STXBP5L: variants seen among roughly 807,000 people sequenced by gnomAD.
STXBP5L encodes the protein syntaxin binding protein 5L.
A neutral mutation model predicts 144.5 loss-of-function variants in STXBP5L; 65 were observed. The observed-to-expected ratio is 0.45, with a 90% CI of 0.37 to 0.55. STXBP5L has a LOEUF of 0.55. STXBP5L is among the 20% of genes least tolerant of loss of function. The pLI is 0.00. For synonymous variants in STXBP5L, 505 were observed against 469.6 expected (o/e 1.08, Z -0.97); for missense variants, 1,298 against 1,405.5 (o/e 0.92, Z 1.22).
rs1947218672 is a variant in STXBP5L at position 121,042,345 on chromosome 3, T to C, written c.369+564T>C. Among the ~76,000 whole-genome samples the C allele has an allele frequency of 1.3e-5, 2 of 152,190 alleles. 1 individual carries two copies. Among genetic ancestry groups the C allele is most frequent in the South Asian group, 4.1e-4 (2 of 4,834 alleles). On this transcript the variant is annotated intron_variant, in intron 4 of 26. Coordinates refer to ENST00000471454, the MANE Select transcript of STXBP5L (RefSeq NM_001308330.2). Reference sequence around the variant, plus strand: ...TGAGGAACTCTCTAAAAACAAAATATGTATTTATGAAGCTCAGAGAGGTTG... The same window carrying C: ...TGAGGAACTCTCTAAAAACAAAATACGTATTTATGAAGCTCAGAGAGGTTG...
At chr3:121,315,621 CTT>C (rs1283273832) in intron 19 of STXBP5L, among the ~76,000 whole-genome samples, 6 of 151,362 alleles carry the variant, frequency 4.0e-5, no homozygotes, top group Non-Finnish European at 1.5e-5. Flanking sequence ...TACCCTAAAA[CTT>C]AAAGTATAAT....
At chr3:120,974,176 T>C (rs1444824788) in intron 3 of STXBP5L, among the ~76,000 whole-genome samples, 6 of 152,284 alleles carry the variant, frequency 3.9e-5, no homozygotes, top group Non-Finnish European at 7.4e-5. Flanking sequence ...AAAGTGTTCC[T>C]ATTTCTCCAC....
intron 3 of STXBP5L, among the ~76,000 whole-genome samples, chr3:120,976,951 A>T (rs1262078899): frequency 2.0e-5 from 3 of 151,634 alleles, no homozygotes; most frequent in Non-Finnish European, 2.9e-5. Flanking sequence ...TGCTGAGGAG[A>T]GCTTTACTTC....
At chr3:121,138,306 T>A (rs749797501) in intron 7 of STXBP5L, among the ~76,000 whole-genome samples, 15 of 152,086 alleles carry the variant, frequency 9.9e-5, no homozygotes, top group Non-Finnish European at 2.1e-4. Flanking sequence ...ATTAGGAGAA[T>A]TAATATAGTT....
intron 18 of STXBP5L, 44 bp downstream of exon 18, chr3:121,259,212 A>G (rs750664472): frequency 1.4e-6 from 2 of 1,385,228 alleles, no homozygotes; most frequent in Non-Finnish European, 1.9e-6. Flanking sequence ...TTTAGCTAAT[A>G]TGTTTGATTT....
intron 3 of STXBP5L, among the ~76,000 whole-genome samples, chr3:120,995,199 A>G (rs1273998602): frequency 6.6e-6 from 1 of 152,104 alleles, no homozygotes; most frequent in African/African-American, 2.4e-5. Flanking sequence ...CCAGGCTGGA[A>G]TGCAATGGCA....
chr3:121,008,218 G>A (rs907302414), intron 3 of STXBP5L, among the ~76,000 whole-genome samples: 1 of 151,928 alleles, frequency 6.6e-6, no homozygotes, highest in African/African-American at 2.4e-5. Flanking sequence ...ACCACTTTTA[G>A]TAGCAACAAC....
chr3:121,177,912 G>A (rs982440244), intron 9 of STXBP5L, among the ~76,000 whole-genome samples: 5 of 152,126 alleles, frequency 3.3e-5, no homozygotes, highest in African/African-American at 1.2e-4. Context: ...AACAAAATGT[G>A]GTATATACAT....
chr3:121,393,887 C>T (rs1489875923), intron 22 of STXBP5L, among the ~76,000 whole-genome samples: 1 of 152,014 alleles, frequency 6.6e-6, no homozygotes, highest in Non-Finnish European at 1.5e-5. Flanking sequence ...ATTCTTTTTG[C>T]TTAGGATTTC....
At chr3:121,276,030 A>G (rs2050870707) in intron 18 of STXBP5L, among the ~76,000 whole-genome samples, 2 of 151,762 alleles carry the variant, frequency 1.3e-5, no homozygotes, top group Non-Finnish European at 2.9e-5. Context: ...GCTTAAGCCA[A>G]ACATTTTCTA....
At chr3:121,378,219 T>C (rs2046239336) in intron 20 of STXBP5L, among the ~76,000 whole-genome samples, 1 of 151,342 alleles carries the variant, frequency 6.6e-6, no homozygotes, top group Admixed American at 6.6e-5. Context: ...ACCTAATGCA[T>C]GTGGGGGTTA....
chr3:121,006,831 A>T (rs1296581039), intron 3 of STXBP5L, among the ~76,000 whole-genome samples: 1 of 152,112 alleles, frequency 6.6e-6, no homozygotes, highest in African/African-American at 2.4e-5. Flanking sequence ...CTGTATATGA[A>T]ATTCTGGGTT....
chr3:120,973,915 C>A (rs1430841357), intron 3 of STXBP5L, among the ~76,000 whole-genome samples: 1 of 152,116 alleles, frequency 6.6e-6, no homozygotes, highest in African/African-American at 2.4e-5. Context: ...TGTATATATG[C>A]CACATTTTCT....
At chr3:120,961,642 A>G (rs1246242823) in intron 3 of STXBP5L, among the ~76,000 whole-genome samples, 1 of 152,150 alleles carries the variant, frequency 6.6e-6, no homozygotes, top group African/African-American at 2.4e-5. Flanking sequence ...CATGGTGTAT[A>G]TGTGCCATAT....
intron 9 of STXBP5L, among the ~76,000 whole-genome samples, chr3:121,169,767 G>C (rs1407871043): frequency 6.6e-6 from 1 of 152,144 alleles, no homozygotes; most frequent in Non-Finnish European, 1.5e-5. Flanking sequence ...ACACTCTACT[G>C]TCTATGTTAG....
At chr3:121,068,104 G>T (rs976772793) in intron 5 of STXBP5L, among the ~76,000 whole-genome samples, 1 of 152,204 alleles carries the variant, frequency 6.6e-6, no homozygotes, top group African/African-American at 2.4e-5. Flanking sequence ...CCACGCCCTG[G>T]GTTCAAGTGA....
intron 7 of STXBP5L, among the ~76,000 whole-genome samples, chr3:121,126,658 G>T (rs543525285): frequency 5.3e-5 from 8 of 152,046 alleles, no homozygotes; most frequent in Non-Finnish European, 8.8e-5. Flanking sequence ...TTCCTTTGAG[G>T]GCACTTGTGT....
At chr3:121,096,653 G>T (rs559997049) in intron 5 of STXBP5L, among the ~76,000 whole-genome samples, 1 of 152,144 alleles carries the variant, frequency 6.6e-6, no homozygotes, top group South Asian at 2.1e-4. Context: ...TATTTGCCTG[G>T]GTATAACCAG....
chr3:120,920,862 C>G lies in STXBP5L; in HGVS notation c.189+11095C>G, dbSNP rs149275244. On this transcript the variant is annotated intron_variant, in intron 2 of 26. Coordinates refer to ENST00000471454, the MANE Select transcript of STXBP5L (RefSeq NM_001308330.2). ...AATAATATTCCCTTGTGTATATATA[C>G]CATATTTTCTTTATCCATTCATTCA... Among the ~76,000 whole-genome samples, 17 of 151,842 alleles carry G rather than the reference C, an allele frequency of 1.1e-4. No homozygotes were observed. In the East Asian group the frequency reaches 3.1e-3, roughly 28 times the overall value.
Sources: gnomAD v4.1 joint callset for allele counts (sites outside exome capture counted in the v4.1 genomes callset) on GRCh38, gnomAD v4.1.1 for gene constraint, MANE v1.5 for transcripts, NCBI Gene and HGNC (gene_info 2026-07-23, HGNC 2026-07-21) for gene names.